The following NRXN3 variants were observed in gnomAD, a reference collection of about 807,000 sequenced individuals.
The protein encoded by NRXN3 is neurexin III.
Under a neutral mutation model 137.6 loss-of-function variants are expected in NRXN3, and 32 were observed. That is an observed-to-expected ratio of 0.23 (90% CI 0.18 to 0.31). The LOEUF is 0.31. Ranked by LOEUF, NRXN3 falls within the 10% of genes least tolerant of loss-of-function variation. The probability of loss-of-function intolerance (pLI) is 1.00; values close to 1 mark genes in which losing one functional copy is unlikely to be tolerated. For missense variants in NRXN3, 1,574 were observed against 2,062.5 expected, an observed-to-expected ratio of 0.76 and a Z score of 4.59; for synonymous variants, 798 against 784.5, an observed-to-expected ratio of 1.02 and a Z score of -0.29.
intron 4 of NRXN3, among the ~76,000 whole-genome samples, chr14:78,582,750 T>C (rs945188812): frequency 6.6e-6 from 1 of 152,206 alleles, no homozygotes; most frequent in South Asian, 2.1e-4. Context: ...GCCTATGGTA[T>C]TCCACTATAC....
intron 8 of NRXN3, among the ~76,000 whole-genome samples, chr14:78,752,385 C>T (rs1295678177): frequency 6.6e-6 from 1 of 152,198 alleles, no homozygotes; most frequent in Admixed American, 6.5e-5. Flanking sequence ...CACTGCCCAC[C>T]AGCCTGAGCA....
At chr14:79,710,912 A>C (rs2098801433) in intron 19 of NRXN3, among the ~76,000 whole-genome samples, 1 of 152,204 alleles carries the variant, frequency 6.6e-6, no homozygotes, top group South Asian at 2.1e-4. Context: ...TACTGTTCTT[A>C]AATATTTTCA....
chr14:78,390,310 A>G (rs994788142), intron 4 of NRXN3, among the ~76,000 whole-genome samples: 3 of 152,110 alleles, frequency 2.0e-5, no homozygotes, highest in African/African-American at 7.2e-5. Context: ...TGTGTTATCT[A>G]TTGTGTCATT....
At chr14:79,792,963 G>A (rs1352633499) in intron 19 of NRXN3, among the ~76,000 whole-genome samples, 1 of 152,108 alleles carries the variant, frequency 6.6e-6, no homozygotes, top group Non-Finnish European at 1.5e-5. Flanking sequence ...CTCAGAGGTG[G>A]AAATAAACAA....
chr14:78,400,210 T>G (rs1034539915), intron 4 of NRXN3, among the ~76,000 whole-genome samples: 2 of 152,224 alleles, frequency 1.3e-5, no homozygotes, highest in African/African-American at 4.8e-5. Flanking sequence ...AGCAGTCTCC[T>G]ATTATGAGTT....
At chr14:79,459,634 A>G (rs2096301432) in intron 15 of NRXN3, among the ~76,000 whole-genome samples, 1 of 152,052 alleles carries the variant, frequency 6.6e-6, no homozygotes, top group Non-Finnish European at 1.5e-5. Context: ...GCCCTAGCAA[A>G]CTAACACAGC....
chr14:79,308,844 C>CTT (rs34580008), intron 15 of NRXN3, among the ~76,000 whole-genome samples: 1,611 of 89,388 alleles, frequency 0.018, 38 homozygotes, highest in South Asian at 0.028. Context: ...GGGAAGCATT[C>CTT]TTTTTTTTTT....
chr14:79,591,065 G>A (rs1036915204), intron 16 of NRXN3, among the ~76,000 whole-genome samples: 2 of 152,104 alleles, frequency 1.3e-5, no homozygotes, highest in Non-Finnish European at 2.9e-5. Flanking sequence ...AAAGGACACC[G>A]AGCTAGTATT....
chr14:79,126,730 G>A (rs1253044305), intron 15 of NRXN3, among the ~76,000 whole-genome samples: 2 of 152,088 alleles, frequency 1.3e-5, no homozygotes, highest in Non-Finnish European at 2.9e-5. Context: ...TCTAGTTCTG[G>A]ATCCCTGAGG....
chr14:79,283,805 G>A (rs2081707604), intron 15 of NRXN3, among the ~76,000 whole-genome samples: 1 of 151,946 alleles, frequency 6.6e-6, no homozygotes, highest in Admixed American at 6.6e-5. Flanking sequence ...CCAGGCTGTG[G>A]GCTACTGCTG....
intron 4 of NRXN3, among the ~76,000 whole-genome samples, chr14:78,619,672 C>T (rs1257080745): frequency 3.3e-5 from 5 of 151,982 alleles, no homozygotes; most frequent in African/African-American, 1.2e-4. Context: ...TGGCATTTCT[C>T]CTTCCTGGCG....
rs56019115 is a variant in NRXN3, at chr14:78,328,616, G to A, written c.757+30756G>A. Among the ~76,000 whole-genome samples, 919 of 152,236 alleles carry A rather than the reference G, an allele frequency of 6.0e-3. 8 individuals carry two copies. Among genetic ancestry groups the A allele is most frequent in the African/African-American group, 0.021 (886 of 41,532 alleles). On this transcript the variant is annotated intron_variant, in intron 4 of 20. Coordinates refer to ENST00000335750, the MANE Select transcript of NRXN3 (RefSeq NM_001330195.2). Reference sequence around the variant, plus strand: ...TCACAAGTATTTGTGTTCAACATAGGCACATTAATGGGCTAAGCATGGAGG... The same window carrying A: ...TCACAAGTATTTGTGTTCAACATAGACACATTAATGGGCTAAGCATGGAGG...
At chr14:79,674,004 C>T (rs533113359) in intron 17 of NRXN3, among the ~76,000 whole-genome samples, 2 of 152,116 alleles carry the variant, frequency 1.3e-5, no homozygotes, top group Non-Finnish European at 2.9e-5. Flanking sequence ...CTATCTTGAA[C>T]CTACAATTCC....
chr14:79,609,654 T>C (rs916138816), intron 16 of NRXN3, among the ~76,000 whole-genome samples: 4 of 152,228 alleles, frequency 2.6e-5, no homozygotes, highest in African/African-American at 4.8e-5. Flanking sequence ...TAGAGTAAAA[T>C]GTACAATTTT....
intron 4 of NRXN3, among the ~76,000 whole-genome samples, chr14:78,367,626 C>T (rs1417605403): frequency 6.6e-6 from 1 of 152,106 alleles, no homozygotes; most frequent in Non-Finnish European, 1.5e-5. Flanking sequence ...GGATTTTGTT[C>T]CCTTGGAATC....
chr14:79,762,762 A>C lies in NRXN3; in HGVS notation c.4015-42350A>C, dbSNP rs1015769945. Among the ~76,000 whole-genome samples the C allele has an allele frequency of 4.0e-5, 6 of 151,618 alleles. 1 individual carries two copies. The highest frequency in any genetic ancestry group is 1.5e-4 in the African/African-American group (6 of 40,924). ...AAAAACCCAATAAGTTGTAGTGGCT[A>C]TTTTTCATCTTCTCATTATCACCAT... On this transcript the variant is annotated intron_variant, in intron 19 of 20. Transcript: ENST00000335750.
intron 3 of NRXN3, among the ~76,000 whole-genome samples, chr14:78,281,841 CA>C (rs1253361259): frequency 6.6e-6 from 1 of 152,268 alleles, no homozygotes; most frequent in African/African-American, 2.4e-5. Flanking sequence ...TGTCTGCCTC[CA>C]AAGCTTGTGC....
intron 5 of NRXN3, among the ~76,000 whole-genome samples, chr14:78,650,301 C>A (rs1252687028): frequency 1.3e-5 from 2 of 152,036 alleles, no homozygotes; most frequent in Non-Finnish European, 2.9e-5. Flanking sequence ...CAGATAATTT[C>A]TGCATGGGTG....
At chr14:78,606,581 G>T (rs1368944632) in intron 4 of NRXN3, among the ~76,000 whole-genome samples, 1 of 152,198 alleles carries the variant, frequency 6.6e-6, no homozygotes, top group Admixed American at 6.5e-5. Flanking sequence ...CTTCTTAAGT[G>T]AAAAGCCATG....
Sources: gnomAD v4.1 joint callset for allele counts (sites outside exome capture counted in the v4.1 genomes callset) on GRCh38, gnomAD v4.1.1 for gene constraint, MANE v1.5 for transcripts, NCBI Gene and HGNC (gene_info 2026-07-23, HGNC 2026-07-21) for gene names.